The following TMEM132C variants were observed in gnomAD, a reference collection of about 807,000 sequenced individuals.
The protein encoded by TMEM132C is transmembrane protein 132C.
Under a neutral mutation model 61.4 loss-of-function variants are expected in TMEM132C, and 29 were observed. The observed-to-expected ratio is 0.47, with a 90% CI of 0.35 to 0.64. The LOEUF (loss-of-function observed/expected upper bound fraction) is 0.64, where lower values mean the gene tolerates loss of function less well. Ranked by LOEUF, TMEM132C falls within the 30% of genes least tolerant of loss-of-function variation. The pLI is 0.00. For missense variants in TMEM132C, 1,408 were observed against 1,476.9 expected (o/e 0.95, Z 0.76); for synonymous variants, 656 against 633.1 (o/e 1.04, Z -0.54).
At chr12:128,402,270 G>C (rs1267982593) in intron 1 of TMEM132C, among the ~76,000 whole-genome samples, 1 of 152,108 alleles carries the variant, frequency 6.6e-6, no homozygotes, top group Non-Finnish European at 1.5e-5. Flanking sequence ...GGGTATATGT[G>C]AGGGATGTGC....
At chr12:128,568,865 G>C (rs941213575) in intron 3 of TMEM132C, among the ~76,000 whole-genome samples, 11 of 152,182 alleles carry the variant, frequency 7.2e-5, no homozygotes, top group Non-Finnish European at 1.5e-5. Context: ...TCAATGTGAA[G>C]CCAGAAAAGG....
chr12:128,466,332 T>C (rs1412612891), intron 2 of TMEM132C, among the ~76,000 whole-genome samples: 1 of 152,210 alleles, frequency 6.6e-6, no homozygotes, highest in Non-Finnish European at 1.5e-5. Context: ...ATTGGCTCAG[T>C]TTGACCTGCA....
At chr12:128,502,467 G>A (rs557891202) in intron 2 of TMEM132C, among the ~76,000 whole-genome samples, 8 of 152,280 alleles carry the variant, frequency 5.3e-5, no homozygotes, top group Non-Finnish European at 1.0e-4. Flanking sequence ...ACTTGGTTAC[G>A]ATTTCATTTC....
At chr12:128,303,014 C>A (rs2135919851) in intron 1 of TMEM132C, among the ~76,000 whole-genome samples, 1 of 152,270 alleles carries the variant, frequency 6.6e-6, no homozygotes, top group Non-Finnish European at 1.5e-5. Flanking sequence ...TATTCTCCAA[C>A]CTGAGCAAGA....
chr12:128,438,975 C>A (rs193186569), intron 2 of TMEM132C: 2 of 152,300 alleles, frequency 1.3e-5, no homozygotes, highest in Non-Finnish European at 2.9e-5. Context: ...GCCCCTCATT[C>A]AGTAGCAGGT....
intron 2 of TMEM132C, among the ~76,000 whole-genome samples, chr12:128,507,321 C>G (rs1375164457): frequency 6.7e-6 from 1 of 149,938 alleles, no homozygotes; most frequent in South Asian, 2.1e-4. Context: ...ATTTTAGGAT[C>G]GAGAGAGAGA....
intron 2 of TMEM132C, among the ~76,000 whole-genome samples, chr12:128,538,454 G>A (rs1160631871): frequency 6.6e-6 from 1 of 152,094 alleles, no homozygotes; most frequent in African/African-American, 2.4e-5. Flanking sequence ...GAGACAGCAT[G>A]TTATTTTGTT....
intron 1 of TMEM132C, among the ~76,000 whole-genome samples, chr12:128,302,096 G>C (rs1296727127): frequency 6.6e-6 from 1 of 152,146 alleles, no homozygotes; most frequent in African/African-American, 2.4e-5. Context: ...GATTTGGGTG[G>C]GGACACAGCC....
intron 3 of TMEM132C, among the ~76,000 whole-genome samples, chr12:128,594,739 T>A (rs1191584160): frequency 1.3e-5 from 2 of 152,214 alleles, no homozygotes; most frequent in African/African-American, 4.8e-5. Flanking sequence ...CAGCCCTCAG[T>A]CCAGGGATCC....
chr12:128,520,296 T>C (rs1281000021), intron 2 of TMEM132C, among the ~76,000 whole-genome samples: 4 of 152,222 alleles, frequency 2.6e-5, no homozygotes, highest in Non-Finnish European at 5.9e-5. Context: ...CAACGTTTTC[T>C]TCTTTCTTTT....
chr12:128,487,193 C>T (rs1043909771), intron 2 of TMEM132C, among the ~76,000 whole-genome samples: 6 of 152,192 alleles, frequency 3.9e-5, no homozygotes, highest in African/African-American at 1.4e-4. Flanking sequence ...GAGTGCCCCG[C>T]CGGTGTCTGG....
chr12:128,638,098 T>C (rs1178979708), intron 4 of TMEM132C, among the ~76,000 whole-genome samples: 2 of 152,202 alleles, frequency 1.3e-5, no homozygotes, highest in African/African-American at 2.4e-5. Context: ...CTGCAGAGGT[T>C]GGGGTAAAGA....
chr12:128,554,988 A>T (rs921131516), intron 3 of TMEM132C, among the ~76,000 whole-genome samples: 3 of 152,120 alleles, frequency 2.0e-5, no homozygotes, highest in African/African-American at 7.2e-5. Flanking sequence ...TAGAACAGTG[A>T]GTGATGCCTC....
At chr12:128,593,292 CT>C (rs1304168000) in intron 3 of TMEM132C, among the ~76,000 whole-genome samples, 2 of 149,554 alleles carry the variant, frequency 1.3e-5, no homozygotes, top group Non-Finnish European at 3.0e-5. Flanking sequence ...CTCCATTTTC[CT>C]TTTCCCTCTC....
At chr12:128,681,682 C>A (rs1397609047) in intron 5 of TMEM132C, among the ~76,000 whole-genome samples, 2 of 129,022 alleles carry the variant, frequency 1.6e-5, no homozygotes, top group African/African-American at 3.0e-5. Flanking sequence ...GAGACAGAGT[C>A]TCACCCTATC....
chr12:128,268,462 C>T (rs886698859), intron 1 of TMEM132C, among the ~76,000 whole-genome samples: 8 of 152,160 alleles, frequency 5.3e-5, no homozygotes, highest in Non-Finnish European at 1.0e-4. Context: ...TGCCCGAGTC[C>T]CGGGGCGCGC....
At chr12:128,490,947 G>A (rs963346008) in intron 2 of TMEM132C, among the ~76,000 whole-genome samples, 4 of 152,110 alleles carry the variant, frequency 2.6e-5, no homozygotes, top group African/African-American at 7.2e-5. Context: ...ATTCATGGCC[G>A]CAGGAGCACT....
At chr12:128,366,305 T>C (rs888666132) in intron 1 of TMEM132C, among the ~76,000 whole-genome samples, 3 of 152,330 alleles carry the variant, frequency 2.0e-5, no homozygotes, top group South Asian at 2.1e-4. Context: ...GTTCAGACTG[T>C]TGGATTCAGA....
At chr12:128,589,521 A>G (rs1029538066) in intron 3 of TMEM132C, among the ~76,000 whole-genome samples, 1 of 20,806 alleles carries the variant, frequency 4.8e-5, no homozygotes, top group African/African-American at 1.8e-4. Context: ...ACAGCCCCCC[A>G]CCCCCTTATA....
Sources: gnomAD v4.1 joint callset for allele counts (sites outside exome capture counted in the v4.1 genomes callset) on GRCh38, gnomAD v4.1.1 for gene constraint, MANE v1.5 for transcripts, NCBI Gene and HGNC (gene_info 2026-07-23, HGNC 2026-07-21) for gene names.